HMBOX1: variants seen among roughly 807,000 people sequenced by gnomAD.
The protein encoded by HMBOX1 is homeobox-containing protein 1.
In HMBOX1, 14 loss-of-function variants were observed where a neutral mutation model predicts 54.5. The ratio of observed to expected loss-of-function variants is 0.26; its 90% CI spans 0.17 to 0.40. The LOEUF is 0.40. Among genes scored for constraint, HMBOX1 ranks in the 10% least tolerant of loss-of-function variants. The pLI, the probability that HMBOX1 is intolerant of heterozygous loss-of-function variation, is 1.00. For synonymous variants in HMBOX1, 160 were observed against 181.0 expected (o/e 0.88, Z 0.93); for missense variants, 332 against 514.4 (o/e 0.65, Z 3.43).
chr8:28,916,269 T>G (rs1339951931), intron 1 of HMBOX1, among the ~76,000 whole-genome samples: 2 of 152,208 alleles, frequency 1.3e-5, no homozygotes, highest in Non-Finnish European at 2.9e-5. Context: ...TTGTTTGTAT[T>G]GGGCCTTCTG....
intron 3 of HMBOX1, among the ~76,000 whole-genome samples, chr8:28,974,502 T>C (rs1258998097): frequency 6.6e-6 from 1 of 152,162 alleles, no homozygotes; most frequent in East Asian, 1.9e-4. Flanking sequence ...GATATTATTC[T>C]TAACAACCCA....
chr8:29,021,707 A>G (rs1206993712), intron 6 of HMBOX1, among the ~76,000 whole-genome samples: 1 of 151,950 alleles, frequency 6.6e-6, no homozygotes, highest in South Asian at 2.1e-4. Flanking sequence ...TAGAAAAAAA[A>G]AAATTAGCCG....
chr8:28,949,700 G>A (rs1300953704), intron 1 of HMBOX1: 1 of 152,142 alleles, frequency 6.6e-6, no homozygotes, highest in Non-Finnish European at 1.5e-5. Context: ...TAGCAGCTGA[G>A]GCTGCAGCAA....
At chr8:29,025,769 G>T (rs921283000) in intron 6 of HMBOX1, among the ~76,000 whole-genome samples, 3 of 152,058 alleles carry the variant, frequency 2.0e-5, no homozygotes, top group African/African-American at 7.2e-5. Flanking sequence ...GCGAAATGTG[G>T]CTGGAGAAAA....
intron 1 of HMBOX1, among the ~76,000 whole-genome samples, chr8:28,904,668 C>A (rs530474794): frequency 6.6e-6 from 1 of 151,610 alleles, no homozygotes; most frequent in African/African-American, 2.4e-5. Flanking sequence ...TTAATAGAAA[C>A]AACTCTTCAC....
intron 4 of HMBOX1, among the ~76,000 whole-genome samples, chr8:28,981,087 C>A (rs971659297): frequency 3.9e-5 from 6 of 152,110 alleles, no homozygotes; most frequent in Non-Finnish European, 7.4e-5. Flanking sequence ...GTTCTCCAGA[C>A]CATGATACAT....
At chr8:29,048,256 GTA>G (rs1223236138) in intron 8 of HMBOX1, among the ~76,000 whole-genome samples, 1 of 152,096 alleles carries the variant, frequency 6.6e-6, no homozygotes, top group Non-Finnish European at 1.5e-5. Context: ...AATCATTTAT[GTA>G]TATATACACA....
At chr8:29,042,502 G>A in intron 6 of HMBOX1, 1 of 379,388 alleles carries the variant, frequency 2.6e-6, no homozygotes, top group Non-Finnish European at 5.3e-6. Flanking sequence ...GGTAAGTGGG[G>A]CAGGAGATGG....
intron 1 of HMBOX1, among the ~76,000 whole-genome samples, chr8:28,907,371 G>GTAC (rs1814538472): frequency 6.6e-6 from 1 of 152,140 alleles, no homozygotes; most frequent in African/African-American, 2.4e-5. Flanking sequence ...TTTCTCCATT[G>GTAC]TACTACCTGT....
At chr8:29,044,795 T>A (rs1805341419) in intron 6 of HMBOX1, among the ~76,000 whole-genome samples, 1 of 151,224 alleles carries the variant, frequency 6.6e-6, no homozygotes, top group African/African-American at 2.5e-5. Context: ...TGGACAGAAC[T>A]CTAACTTATT....
At chr8:28,927,453 G>T (rs1480535022) in intron 1 of HMBOX1, among the ~76,000 whole-genome samples, 1 of 152,098 alleles carries the variant, frequency 6.6e-6, no homozygotes, top group Non-Finnish European at 1.5e-5. Context: ...TCTGGTGAGG[G>T]TATCAGGCTA....
At chr8:29,010,782 T>C (rs538037819) in intron 5 of HMBOX1, among the ~76,000 whole-genome samples, 1 of 152,214 alleles carries the variant, frequency 6.6e-6, no homozygotes, top group African/African-American at 2.4e-5. Flanking sequence ...AAGAATGTCT[T>C]TTGTAGCTCT....
intron 1 of HMBOX1, among the ~76,000 whole-genome samples, chr8:28,898,604 A>G (rs1478906399): frequency 6.6e-6 from 1 of 152,222 alleles, no homozygotes; most frequent in Non-Finnish European, 1.5e-5. Flanking sequence ...TTCTTGTCTC[A>G]GCATCTCCTT....
intron 6 of HMBOX1, among the ~76,000 whole-genome samples, chr8:29,036,692 A>G (rs887892841): frequency 1.3e-4 from 20 of 152,272 alleles, no homozygotes; most frequent in African/African-American, 4.6e-4. Context: ...TGACACAGAG[A>G]TTTTCATTAC....
intron 1 of HMBOX1, among the ~76,000 whole-genome samples, chr8:28,926,124 C>T (rs985067661): frequency 2.0e-5 from 3 of 152,000 alleles, no homozygotes; most frequent in Non-Finnish European, 4.4e-5. Flanking sequence ...CATGGCAAAA[C>T]CCCGTCTATA....
chr8:29,042,921 T>A (rs1052421422), intron 6 of HMBOX1, among the ~76,000 whole-genome samples: 4 of 152,154 alleles, frequency 2.6e-5, no homozygotes, highest in African/African-American at 4.8e-5. Flanking sequence ...AACAAACTAT[T>A]TTGAAGAGGA....
intron 6 of HMBOX1, among the ~76,000 whole-genome samples, chr8:29,022,459 A>G (rs1355430895): frequency 1.3e-5 from 2 of 152,130 alleles, no homozygotes; most frequent in African/African-American, 2.4e-5. Context: ...TGGCAAAAAT[A>G]TGAAAAGATA....
chr8:28,925,646 A>C (rs879631434), intron 1 of HMBOX1, among the ~76,000 whole-genome samples: 12 of 152,150 alleles, frequency 7.9e-5, no homozygotes, highest in Non-Finnish European at 1.5e-4. Flanking sequence ...CAGTGAAAAA[A>C]AAAATCTCTC....
intron 2 of HMBOX1, among the ~76,000 whole-genome samples, chr8:28,968,889 C>G (rs938994318): frequency 2.0e-5 from 3 of 152,014 alleles, no homozygotes; most frequent in African/African-American, 7.2e-5. Context: ...GAAAGGAATT[C>G]AAGGCCGAGC....
Sources: allele counts gnomAD v4.1 joint callset (sites outside exome capture counted in the v4.1 genomes callset), GRCh38; gene constraint gnomAD v4.1.1; transcripts MANE v1.5; gene names NCBI Gene and HGNC (gene_info 2026-07-23, HGNC 2026-07-21).